Variants in IKBIP observed in about 807,000 individuals in gnomAD.
The protein encoded by IKBIP is IKBKB interacting protein, also known as inhibitor of nuclear factor kappa-B kinase-interacting protein.
In IKBIP, 28 loss-of-function variants were observed where a neutral mutation model predicts 31.0. The ratio of observed to expected loss-of-function variants is 0.90; its 90% CI spans 0.67 to 1.24. The LOEUF (loss-of-function observed/expected upper bound fraction) is 1.24. Among genes scored for constraint, IKBIP ranks in the 50% most tolerant of loss-of-function variants. The pLI is 0.00. For missense variants in IKBIP, 453 were observed against 441.9 expected (o/e 1.03, Z -0.23); for synonymous variants, 164 against 160.3 (o/e 1.02, Z -0.17).
At chr12:98,634,501 G>T in intron 1 of IKBIP, 88 bp from the exon 2 acceptor site, 60 of 553,860 alleles carry the variant, frequency 1.1e-4, no homozygotes, top group Middle Eastern at 5.3e-4. Flanking sequence ...CTTCTGTTAA[G>T]AACAACATAA....
chr12:98,630,731 T>G (rs2097619325), intron 2 of IKBIP, among the ~76,000 whole-genome samples: 1 of 152,172 alleles, frequency 6.6e-6, no homozygotes, highest in African/African-American at 2.4e-5. Context: ...TAATAAATGA[T>G]GAAATAGAGA....
At chr12:98,640,444 A>C (rs1462583017) in intron 1 of IKBIP, among the ~76,000 whole-genome samples, 3 of 45,612 alleles carry the variant, frequency 6.6e-5, no homozygotes. Context: ...CCATCTCTCA[A>C]AACAAAACAA....
downstream of IKBIP, among the ~76,000 whole-genome samples, chr12:98,620,146 C>G (rs1406012670): frequency 6.8e-6 from 1 of 147,530 alleles, no homozygotes; most frequent in East Asian, 2.0e-4. Flanking sequence ...GTTGCGAACT[C>G]CTGACCTCAA....
chr12:98,623,793 A>C (rs1316753052), downstream of IKBIP, among the ~76,000 whole-genome samples: 1 of 151,050 alleles, frequency 6.6e-6, no homozygotes, highest in East Asian at 1.9e-4. Context: ...CCTAAAGAAA[A>C]GACTAACAAT....
chr12:98,621,678 CA>C (rs2097610252), downstream of IKBIP, among the ~76,000 whole-genome samples: 1 of 152,160 alleles, frequency 6.6e-6, no homozygotes, highest in African/African-American at 2.4e-5. Flanking sequence ...CCTAAGTCTC[CA>C]TTTCCTTATT....
At chr12:98,614,340 A>C (rs975433793) in exon 3 of IKBIP, 2 of 1,495,656 alleles carry the variant, frequency 1.3e-6, no homozygotes, top group Non-Finnish European at 1.8e-6. Context: ...GATTTCTGCC[A>C]CTATAAGAAA....
intron 1 of IKBIP, among the ~76,000 whole-genome samples, chr12:98,639,005 T>C (rs2097628218): frequency 6.6e-6 from 1 of 152,178 alleles, no homozygotes; most frequent in African/African-American, 2.4e-5. Context: ...AATAGAGCCA[T>C]AGCACATCAG....
At chr12:98,622,320 G>A (rs1209444508), downstream of IKBIP, among the ~76,000 whole-genome samples, 3 of 152,080 alleles carry the variant, frequency 2.0e-5, no homozygotes, top group African/African-American at 7.2e-5. Context: ...CAGCCCAGGA[G>A]TTTGAGACCA....
At chr12:98,613,406 G>T in exon 3 of IKBIP, 3 of 404,514 alleles carry the variant, frequency 7.4e-6, no homozygotes, top group Non-Finnish European at 1.3e-5. Flanking sequence ...TGCAAAAATA[G>T]GTTTTAGCAT....
intron 2 of IKBIP, among the ~76,000 whole-genome samples, chr12:98,618,548 C>T (rs895818423): frequency 6.6e-6 from 1 of 151,780 alleles, no homozygotes; most frequent in Admixed American, 6.6e-5. Context: ...ATGGCGTGAA[C>T]CCGGGAGGCG....
At chr12:98,627,659 C>T (rs1009155822) in intron 2 of IKBIP, among the ~76,000 whole-genome samples, 9 of 152,072 alleles carry the variant, frequency 5.9e-5, no homozygotes, top group Non-Finnish European at 1.0e-4. Context: ...AGGATGGTCT[C>T]GATCCCCTGA....
chr12:98,626,030 T>C lies in IKBIP; in HGVS notation c.1034A>G (p.Lys345Arg). The C allele has an allele frequency of 6.4e-7, 1 of 1,573,294 alleles. No homozygotes were observed. Residue 345 changes from lysine (K) to arginine (R), a missense_variant, in exon 3 of 3, where the codon AAA becomes AGA. Lys to Arg is a conservative substitution (Grantham distance 26). Transcript: ENST00000299157. ...TGCTATAAAATCATGAACTTTTTCT[T>C]TTAGAATATCCAGTTCATTTTGCAT... ...LKMQNELDIL[K>R]EKVHDFIAYS...
At position 98,626,055 on chromosome 12, in the gene IKBIP, T is replaced by A. The variant is rs766449582; in HGVS notation, c.1009A>T (p.Met337Leu). 17 of 1,590,270 alleles carry A rather than the reference T, an allele frequency of 1.1e-5. No individual in the cohort carries two copies. Among genetic ancestry groups the A allele is most frequent in the Non-Finnish European group, 1.4e-5 (16 of 1,167,876 alleles). ...TTTAGAATATCCAGTTCATTTTGCA[T>A]CTTTAATATGCTATTATCATACTGA... ...GIQYDNSILK[M>L]QNELDILKEK... Residue 337 changes from methionine (M) to leucine (L), a missense_variant, in exon 3 of 3, where the codon ATG (methionine) becomes TTG (leucine). Coordinates refer to ENST00000299157, the MANE Select transcript of IKBIP (RefSeq NM_153687.4).
chr12:98,614,287 A>G (rs1199994800), exon 3 of IKBIP: 1 of 1,602,042 alleles, frequency 6.2e-7, no homozygotes, highest in Non-Finnish European at 8.5e-7. Context: ...GCTTTAGATG[A>G]GCAATTATTT....
rs112769224 is a variant in IKBIP, at chr12:98,640,418, C to A, written c.179+4105G>T. 6.0e-3 allele frequency among the ~76,000 whole-genome samples: 912 copies of A among 151,740 alleles called. 9 individuals carry two copies. Among genetic ancestry groups the A allele is most frequent in the African/African-American group, 0.02 (819 of 41,304 alleles). ...TTGCGCCACTGCACTCCAGCCTGGG[C>A]AACAAGAGCAAAACTCCATCTCTCA... On this transcript the variant is annotated intron_variant, in intron 1 of 2. Coordinates refer to ENST00000299157, the MANE Select transcript of IKBIP (RefSeq NM_153687.4).
At chr12:98,634,487 C>A in intron 1 of IKBIP, 74 bp from the exon 2 acceptor site, 1 of 751,692 alleles carries the variant, frequency 1.3e-6, no homozygotes, top group Admixed American at 2.3e-5. Flanking sequence ...GAGAATTATA[C>A]CCACTTCTGT....
chr12:98,632,707 C>T (rs1307434599), intron 2 of IKBIP, among the ~76,000 whole-genome samples: 3 of 147,606 alleles, frequency 2.0e-5, no homozygotes, highest in Admixed American at 6.9e-5. Flanking sequence ...CTTCTGAAAC[C>T]TCTGCCTCCC....
intron 1 of IKBIP, among the ~76,000 whole-genome samples, chr12:98,638,334 C>T (rs1043642616): frequency 6.6e-6 from 1 of 152,188 alleles, no homozygotes; most frequent in Non-Finnish European, 1.5e-5. Context: ...ATTTCCCAGG[C>T]TGGAGTGCAG....
At chr12:98,620,737 C>T (rs140316700), downstream of IKBIP, among the ~76,000 whole-genome samples, 47 of 152,228 alleles carry the variant, frequency 3.1e-4, no homozygotes, top group East Asian at 5.2e-3. Flanking sequence ...TTAGATCAGG[C>T]GCAGTGGCTC....
Sources: allele counts gnomAD v4.1 joint callset (sites outside exome capture counted in the v4.1 genomes callset), GRCh38; gene constraint gnomAD v4.1.1; transcripts MANE v1.5; gene names NCBI Gene and HGNC (gene_info 2026-07-23, HGNC 2026-07-21).